ZBTB7C: variants seen among roughly 807,000 people sequenced by gnomAD.
ZBTB7C encodes zinc finger and BTB domain-containing protein 7C.
A neutral mutation model predicts 25.7 loss-of-function variants in ZBTB7C; 8 were observed. The observed-to-expected ratio is 0.31, with a 90% CI of 0.18 to 0.56. The LOEUF is 0.56. ZBTB7C is among the 20% of genes least tolerant of loss of function. ZBTB7C has a pLI of 0.91. For synonymous variants in ZBTB7C, 394 were observed against 369.0 expected (o/e 1.07, Z -0.78); for missense variants, 824 against 855.2 (o/e 0.96, Z 0.46).
At chr18:48,328,635 G>A (rs1195726411) in intron 2 of ZBTB7C, among the ~76,000 whole-genome samples, 1 of 152,146 alleles carries the variant, frequency 6.6e-6, no homozygotes, top group Admixed American at 6.5e-5. Context: ...GGGAGGTCTC[G>A]TGGTTGGCAG....
At chr18:48,410,229 G>A (rs1468615375), upstream of ZBTB7C, among the ~76,000 whole-genome samples, 5 of 152,238 alleles carry the variant, frequency 3.3e-5, no homozygotes, top group East Asian at 7.8e-4. Flanking sequence ...CAAGCTTGCC[G>A]CACCCCGGGG....
intron 3 of ZBTB7C, among the ~76,000 whole-genome samples, chr18:48,051,080 G>A (rs1168196691): frequency 6.6e-6 from 1 of 152,230 alleles, no homozygotes; most frequent in East Asian, 1.9e-4. Flanking sequence ...TGTATCCCCT[G>A]TTGACCTCCA....
At chr18:48,348,169 T>C (rs1323763040) in intron 1 of ZBTB7C, among the ~76,000 whole-genome samples, 7 of 152,082 alleles carry the variant, frequency 4.6e-5, no homozygotes, top group African/African-American at 1.2e-4. Context: ...ACCTGCAGGG[T>C]GGAGGGGTGG....
chr18:48,039,893 T>A lies in ZBTB7C; in HGVS notation c.1208+7A>T. 1 of 1,610,562 alleles carries A rather than the reference T, an allele frequency of 6.2e-7. No individual in the cohort carries two copies. Among genetic ancestry groups the A allele is most frequent in the Non-Finnish European group, 8.5e-7 (1 of 1,179,978 alleles). ...CGTGCCCCACACCCGAGGGCTGCCATGCGCACCTGGTGAAGCGGACCTCGC... is the reference window on the plus strand; with the variant it reads ...CGTGCCCCACACCCGAGGGCTGCCAAGCGCACCTGGTGAAGCGGACCTCGC... On this transcript the variant is annotated splice_region_variant and intron_variant, in intron 4 of 4. Coordinates refer to ENST00000590800, the MANE Select transcript of ZBTB7C (RefSeq NM_001318841.2).
chr18:48,212,545 CA>C (rs1217685467), intron 2 of ZBTB7C, among the ~76,000 whole-genome samples: 5 of 151,758 alleles, frequency 3.3e-5, no homozygotes, highest in African/African-American at 1.2e-4. Context: ...TCTCAGGGGC[CA>C]GGGGGGATGT....
intron 4 of ZBTB7C, among the ~76,000 whole-genome samples, chr18:48,032,016 A>AG (rs2035772179): frequency 6.6e-6 from 1 of 152,204 alleles, no homozygotes; most frequent in Admixed American, 6.5e-5. Flanking sequence ...CTCCCTCACC[A>AG]GGCCTGGCAG....
At chr18:48,179,649 C>T (rs1362956897) in intron 3 of ZBTB7C, among the ~76,000 whole-genome samples, 2 of 151,916 alleles carry the variant, frequency 1.3e-5, no homozygotes, top group African/African-American at 2.4e-5. Flanking sequence ...GGAATGCCCT[C>T]GACTGCAAAG....
intron 2 of ZBTB7C, among the ~76,000 whole-genome samples, chr18:48,286,193 T>C (rs2045045353): frequency 1.3e-5 from 2 of 151,948 alleles, no homozygotes; most frequent in African/African-American, 2.4e-5. Context: ...CAGGGTATAA[T>C]TGTTGTTATC....
At chr18:48,324,183 C>T (rs1206734746) in intron 2 of ZBTB7C, among the ~76,000 whole-genome samples, 3 of 152,140 alleles carry the variant, frequency 2.0e-5, no homozygotes, top group Non-Finnish European at 4.4e-5. Context: ...GTTACCACAG[C>T]CCAAATGGAC....
intron 3 of ZBTB7C, among the ~76,000 whole-genome samples, chr18:48,052,306 T>C (rs1385984059): frequency 6.6e-6 from 1 of 152,196 alleles, no homozygotes; most frequent in Non-Finnish European, 1.5e-5. Flanking sequence ...TCTCCTCTAG[T>C]AGAGTGGAAA....
intron 1 of ZBTB7C, among the ~76,000 whole-genome samples, chr18:48,354,778 G>T: frequency 6.6e-6 from 1 of 152,114 alleles, no homozygotes; most frequent in East Asian, 1.9e-4. Context: ...AAGCACACTG[G>T]TATACTTGAG....
At chr18:48,274,803 C>A (rs1172590178) in intron 2 of ZBTB7C, among the ~76,000 whole-genome samples, 1 of 152,232 alleles carries the variant, frequency 6.6e-6, no homozygotes, top group African/African-American at 2.4e-5. Context: ...AGGCAAAGGG[C>A]AGGAGGCTGA....
chr18:48,164,178 G>A (rs1445449719), intron 3 of ZBTB7C, among the ~76,000 whole-genome samples: 1 of 152,208 alleles, frequency 6.6e-6, no homozygotes, highest in Non-Finnish European at 1.5e-5. Flanking sequence ...TGACCCTCAT[G>A]AAATACCAAA....
At chr18:48,340,853 A>G (rs1218890906) in intron 1 of ZBTB7C, among the ~76,000 whole-genome samples, 3 of 152,212 alleles carry the variant, frequency 2.0e-5, no homozygotes, top group African/African-American at 7.2e-5. Context: ...TTCCAAGGAC[A>G]AGGGACACTT....
intron 2 of ZBTB7C, among the ~76,000 whole-genome samples, chr18:48,324,511 C>A (rs2046172357): frequency 6.6e-6 from 1 of 151,856 alleles, no homozygotes; most frequent in South Asian, 2.1e-4. Context: ...TGTGTGGATA[C>A]CCCAAAAACT....
chr18:48,348,550 C>T (rs529574445), intron 1 of ZBTB7C, among the ~76,000 whole-genome samples: 2 of 152,352 alleles, frequency 1.3e-5, no homozygotes, highest in Non-Finnish European at 2.9e-5. Context: ...GGAGTGGTGG[C>T]TCATGCCTGT....
At chr18:48,059,556 G>A (rs1317307271) in intron 3 of ZBTB7C, among the ~76,000 whole-genome samples, 2 of 152,168 alleles carry the variant, frequency 1.3e-5, no homozygotes, top group East Asian at 1.9e-4. Flanking sequence ...ATTGCCAGTG[G>A]TCTCCTGGAG....
intron 2 of ZBTB7C, among the ~76,000 whole-genome samples, chr18:48,255,897 ATTTTCCAAAAAAG>A (rs199533071): frequency 0.025 from 3,834 of 152,202 alleles, 85 homozygotes; most frequent in African/African-American, 0.056. Context: ...ACCCTCCCCT[ATTTTCCAAAAAAG>A]AATAAGGAAT....
intron 1 of ZBTB7C, among the ~76,000 whole-genome samples, chr18:48,355,085 C>T (rs1333030501): frequency 6.6e-6 from 1 of 152,246 alleles, no homozygotes; most frequent in African/African-American, 2.4e-5. Context: ...GAGAAGAGAG[C>T]CATGCCAATC....
Sources: gnomAD v4.1 joint callset for allele counts (sites outside exome capture counted in the v4.1 genomes callset) on GRCh38, gnomAD v4.1.1 for gene constraint, MANE v1.5 for transcripts, NCBI Gene and HGNC (gene_info 2026-07-23, HGNC 2026-07-21) for gene names.